SLIT3: variants seen among roughly 807,000 people sequenced by gnomAD.
SLIT3 encodes the protein slit guidance ligand 3.
In SLIT3, 68 loss-of-function variants were observed where a neutral mutation model predicts 184.0. The observed-to-expected ratio is 0.37, with a 90% confidence interval of 0.30 to 0.45. The LOEUF is 0.45. Ranked by LOEUF, SLIT3 falls within the 20% of genes least tolerant of loss-of-function variation. The pLI, the probability that SLIT3 is intolerant of heterozygous loss-of-function variation, is 1.00. For missense variants in SLIT3, 1,707 were observed against 2,026.0 expected, an observed-to-expected ratio of 0.84 and a Z score of 3.02; for synonymous variants, 831 against 828.6, an observed-to-expected ratio of 1.00 and a Z score of -0.05.
chr5:169,230,816 A>AT (rs1282170859), intron 3 of SLIT3, among the ~76,000 whole-genome samples: 1 of 151,374 alleles, frequency 6.6e-6, no homozygotes, highest in African/African-American at 2.4e-5. Flanking sequence ...TGACTTTCAG[A>AT]TTTTTTCCTC....
At chr5:169,081,792 C>T (rs1759071609) in intron 4 of SLIT3, among the ~76,000 whole-genome samples, 1 of 152,168 alleles carries the variant, frequency 6.6e-6, no homozygotes, top group Non-Finnish European at 1.5e-5. Flanking sequence ...AAAAATTTAT[C>T]CCAGGCCAGA....
In SLIT3 at chr5:168,692,693, T is replaced by C. The variant is rs1165934474; in HGVS notation, c.3090A>G (p.Leu1030=). ...CACAGTGGTCAATCACCTCGTCGCA[T>C]AGCTCACCTGGCACAGATGGGGGAG... The part of the protein sequence containing the change: ...CICPPNYTGE[L]CDEVIDHCVP... Residue 1030 remains leucine (L), a synonymous_variant, in exon 29 of 36, where the codon CTA becomes CTG. Coordinates refer to ENST00000519560, the MANE Select transcript of SLIT3 (RefSeq NM_003062.4). 6.2e-7 allele frequency: 1 copy of C among 1,613,752 alleles called. No individual in the cohort carries two copies. Among genetic ancestry groups the C allele is most frequent in the Non-Finnish European group, 8.5e-7 (1 of 1,179,718 alleles).
At position 168,772,829 on chromosome 5, in the gene SLIT3, C is replaced by A. The variant is rs1470213688; in HGVS notation, c.1411G>T (p.Ala471Ser). The A allele has an allele frequency of 3.1e-6, 5 of 1,613,986 alleles. No homozygotes were observed. Among genetic ancestry groups the A allele is most frequent in the Non-Finnish European group, 4.2e-6 (5 of 1,180,006 alleles). Residue 471 changes from alanine (A) to serine (S), a missense_variant, in exon 14 of 36, where the codon GCC becomes TCC. Ala to Ser is a moderately conservative substitution (Grantham distance 99, BLOSUM62 1). Coordinates refer to ENST00000519560, the MANE Select transcript of SLIT3 (RefSeq NM_003062.4). The stretch of plus-strand genomic sequence containing the variant: ...TTGATCTGGCTGATGCGCTTGTTGG[C>A]GAGTCGGCGCGGGCTGCTGCAGCGG... Reference protein sequence around the residue: ...GARCSSPRRLANKRISQIKSK... With the variant: ...GARCSSPRRLSNKRISQIKSK...
At chr5:169,179,185 C>T (rs1327099384) in intron 4 of SLIT3, among the ~76,000 whole-genome samples, 1 of 151,316 alleles carries the variant, frequency 6.6e-6, no homozygotes, top group Non-Finnish European at 1.5e-5. Flanking sequence ...GTCTTTCAAA[C>T]AACCTCTGGT....
At chr5:168,922,733 G>C (rs1761679786) in intron 4 of SLIT3, among the ~76,000 whole-genome samples, 12 of 152,128 alleles carry the variant, frequency 7.9e-5, no homozygotes, top group Admixed American at 7.9e-4. Flanking sequence ...CATGAAGCTT[G>C]ATCAGGCAGT....
At chr5:169,056,578 T>A (rs1758007865) in intron 4 of SLIT3, among the ~76,000 whole-genome samples, 1 of 151,630 alleles carries the variant, frequency 6.6e-6, no homozygotes, top group African/African-American at 2.4e-5. Flanking sequence ...TTCCAGACAT[T>A]CATAGCTGGC....
chr5:168,922,103 G>A (rs1761654415), intron 4 of SLIT3, among the ~76,000 whole-genome samples: 3 of 152,180 alleles, frequency 2.0e-5, no homozygotes, highest in Admixed American at 2.0e-4. Flanking sequence ...ATGCTGCAGT[G>A]TTAGTAAGTC....
chr5:169,221,613 G>C (rs1214293391), intron 3 of SLIT3, among the ~76,000 whole-genome samples: 1 of 152,162 alleles, frequency 6.6e-6, no homozygotes, highest in African/African-American at 2.4e-5. Context: ...CTGTTGCAAG[G>C]GTGGGTGGTC....
chr5:168,974,845 G>A (rs79760718), intron 4 of SLIT3, among the ~76,000 whole-genome samples: 5,683 of 152,286 alleles, frequency 0.037, 134 homozygotes, highest in Non-Finnish European at 0.054. Flanking sequence ...AGGGGGTTCA[G>A]GAAATCCCCA....
intron 29 of SLIT3, among the ~76,000 whole-genome samples, chr5:168,689,240 A>G (rs1248919923): frequency 6.6e-6 from 1 of 152,228 alleles, no homozygotes; most frequent in African/African-American, 2.4e-5. Context: ...AAGGACCTAT[A>G]TAGTACTTCT....
At chr5:168,917,857 C>G (rs1455327761) in intron 4 of SLIT3, among the ~76,000 whole-genome samples, 2 of 152,204 alleles carry the variant, frequency 1.3e-5, no homozygotes, top group Admixed American at 6.5e-5. Context: ...ACAATCTTCT[C>G]TCCCAGGACA....
intron 6 of SLIT3, among the ~76,000 whole-genome samples, chr5:168,836,634 A>C (rs1161659985): frequency 6.6e-6 from 1 of 152,196 alleles, no homozygotes; most frequent in Non-Finnish European, 1.5e-5. Flanking sequence ...GTCAAGTCTG[A>C]ATTCCAGTGC....
rs148974938 is a variant in SLIT3, at chr5:169,135,977, A to G, written c.413+57502T>C. On this transcript the variant is annotated intron_variant, in intron 4 of 35. Transcript: ENST00000519560. ...ACATTACAGATCACTTCTCTATATC[A>G]CGGACACGGATACACAAACTCCTTT... 2.4e-3 allele frequency among the ~76,000 whole-genome samples: 366 copies of G among 152,300 alleles called. 4 individuals carry two copies. Among genetic ancestry groups the G allele is most frequent in the Non-Finnish European group, 3.3e-3 (225 of 68,040 alleles).
chr5:169,105,788 A>G (rs1361697067), intron 4 of SLIT3, among the ~76,000 whole-genome samples: 1 of 152,066 alleles, frequency 6.6e-6, no homozygotes, highest in African/African-American at 2.4e-5. Flanking sequence ...ACATCATCTT[A>G]TTCATTTTTT....
At chr5:169,062,062 C>T (rs1758189992) in intron 4 of SLIT3, among the ~76,000 whole-genome samples, 1 of 152,024 alleles carries the variant, frequency 6.6e-6, no homozygotes, top group Non-Finnish European at 1.5e-5. Context: ...TGGGTGCCTG[C>T]AGTCCCAGCT....
chr5:169,285,832 T>C (rs1477015794), intron 1 of SLIT3, among the ~76,000 whole-genome samples: 1 of 152,212 alleles, frequency 6.6e-6, no homozygotes, highest in African/African-American at 2.4e-5. Flanking sequence ...CTGGGGATTC[T>C]AGCACCCAGG....
At chr5:169,265,145 C>G (rs1766348435) in intron 1 of SLIT3, among the ~76,000 whole-genome samples, 1 of 143,788 alleles carries the variant, frequency 7.0e-6, no homozygotes, top group Non-Finnish European at 1.5e-5. Context: ...CTCAGTTCAG[C>G]TCCATGCTCA....
At chr5:169,078,289 C>T (rs1042832368) in intron 4 of SLIT3, among the ~76,000 whole-genome samples, 24 of 152,286 alleles carry the variant, frequency 1.6e-4, no homozygotes, top group Admixed American at 7.2e-4. Flanking sequence ...CTCCTTTCTA[C>T]GCTCTGTTTC....
At chr5:168,693,402 C>T (rs1381440063) in intron 28 of SLIT3, among the ~76,000 whole-genome samples, 2 of 152,208 alleles carry the variant, frequency 1.3e-5, no homozygotes, top group African/African-American at 2.4e-5. Context: ...CCTTTGAAGT[C>T]TGCAGTGCTA....
Sources: allele counts gnomAD v4.1 joint callset (sites outside exome capture counted in the v4.1 genomes callset), GRCh38; gene constraint gnomAD v4.1.1; transcripts MANE v1.5; gene names NCBI Gene and HGNC (gene_info 2026-07-23, HGNC 2026-07-21).